The following CDH18 variants were observed in gnomAD, a reference collection of about 807,000 sequenced individuals.
The protein encoded by CDH18 is cadherin 18.
A neutral mutation model predicts 67.9 loss-of-function variants in CDH18; 31 were observed. The observed-to-expected ratio is 0.46, with a 90% confidence interval of 0.34 to 0.62. The LOEUF (loss-of-function observed/expected upper bound fraction) is 0.62, where lower values mean the gene tolerates loss of function less well. Ranked by LOEUF, CDH18 falls within the 20% of genes least tolerant of loss-of-function variation. The probability of loss-of-function intolerance (pLI) is 0.01; values close to 1 mark genes in which losing one functional copy is unlikely to be tolerated. For synonymous variants in CDH18, 362 were observed against 347.2 expected, an observed-to-expected ratio of 1.04 and a Z score of -0.48; for missense variants, 890 against 975.5, an observed-to-expected ratio of 0.91 and a Z score of 1.17.
intron 1 of CDH18, among the ~76,000 whole-genome samples, chr5:20,334,746 TCTCTCATACACACACACA>T (rs1415136157): frequency 9.8e-4 from 128 of 131,090 alleles, no homozygotes; most frequent in African/African-American, 4.0e-3. Flanking sequence ...TCTCTCTCTC[TCTCTCATACACACACACA>T]CACACACACA....
At chr5:20,423,570 T>G (rs1055127889) in intron 1 of CDH18, among the ~76,000 whole-genome samples, 1 of 150,894 alleles carries the variant, frequency 6.6e-6, no homozygotes, top group African/African-American at 2.5e-5. Flanking sequence ...AAAGGAAATA[T>G]AAGTGCTACA....
upstream of CDH18, among the ~76,000 whole-genome samples, chr5:19,990,452 G>C (rs1799918662): frequency 6.6e-6 from 1 of 152,154 alleles, no homozygotes; most frequent in Non-Finnish European, 1.5e-5. Context: ...GCATCCAGTG[G>C]ACAGTCATAA....
At chr5:19,497,863 G>C (rs980027448) in intron 11 of CDH18, among the ~76,000 whole-genome samples, 2 of 152,168 alleles carry the variant, frequency 1.3e-5, no homozygotes, top group Admixed American at 1.3e-4. Context: ...AAATGTAAAG[G>C]GTGTGAGCTG....
At chr5:20,168,492 A>C (rs1446759776) in intron 2 of CDH18, among the ~76,000 whole-genome samples, 3 of 152,114 alleles carry the variant, frequency 2.0e-5, no homozygotes, top group Non-Finnish European at 4.4e-5. Context: ...CTTTCAGATA[A>C]ATAATAATAT....
intron 12 of CDH18, among the ~76,000 whole-genome samples, chr5:19,474,891 G>C (rs932207241): frequency 6.6e-6 from 1 of 151,948 alleles, no homozygotes; most frequent in Non-Finnish European, 1.5e-5. Context: ...ATTTTCAACT[G>C]TTTCTATTTG....
At chr5:19,932,929 A>G (rs911252161) in intron 2 of CDH18, among the ~76,000 whole-genome samples, 1 of 151,574 alleles carries the variant, frequency 6.6e-6, no homozygotes, top group Non-Finnish European at 1.5e-5. Context: ...CCACATAGTA[A>G]TTTTTACTTG....
chr5:20,095,364 G>GAGAA (rs1203952325), intron 2 of CDH18, among the ~76,000 whole-genome samples: 463 of 88,998 alleles, frequency 5.2e-3, no homozygotes, highest in Middle Eastern at 0.018. Context: ...AGAAAGAAAA[G>GAGAA]ACAGAAGAAA....
In CDH18 at chr5:19,509,437, T is replaced by C. The variant is rs191098869; in HGVS notation, c.1513-6328A>G. 6.6e-5 allele frequency among the ~76,000 whole-genome samples: 10 copies of C among 152,248 alleles called. No homozygotes were observed. The East Asian group carries it at 1.9e-3, about 29-fold the overall frequency. On this transcript the variant is annotated intron_variant, in intron 10 of 12. Coordinates refer to ENST00000382275, the MANE Select transcript of CDH18 (RefSeq NM_004934.5). ...AAAATGCCCATGTAACCTCTCGATC[T>C]AAAATAATTTTTTCTAAAATACATA... is the stretch of plus-strand genomic sequence containing the variant.
At position 19,617,266 on chromosome 5, in the gene CDH18, A is replaced by G. The variant is rs74330388; in HGVS notation, c.644-4665T>C. Among the ~76,000 whole-genome samples, 1,048 of 152,320 alleles carry G rather than the reference A, an allele frequency of 6.9e-3. 4 individuals carry two copies. Among genetic ancestry groups the G allele is most frequent in the Middle Eastern group, 0.017 (5 of 294 alleles). On this transcript the variant is annotated intron_variant, in intron 5 of 12. Transcript: ENST00000382275. ...TACAAAATGATGTGCATTTTTCTCA[A>G]TTGTAAAAGGTAAGCCAATGGATAA... is the stretch of plus-strand genomic sequence containing the variant.
intron 2 of CDH18, among the ~76,000 whole-genome samples, chr5:20,008,583 C>A (rs1737132520): frequency 6.6e-6 from 1 of 152,076 alleles, no homozygotes; most frequent in African/African-American, 2.4e-5. Flanking sequence ...TAATAGCTAT[C>A]TGGTAAAGGC....
intron 9 of CDH18, among the ~76,000 whole-genome samples, chr5:19,523,702 A>G (rs1747295267): frequency 6.6e-6 from 1 of 152,156 alleles, no homozygotes; most frequent in Non-Finnish European, 1.5e-5. Flanking sequence ...AATATAGACA[A>G]AGAAAGGCCT....
At chr5:20,143,819 A>C (rs1362736416) in intron 2 of CDH18, among the ~76,000 whole-genome samples, 2 of 152,192 alleles carry the variant, frequency 1.3e-5, no homozygotes, top group Admixed American at 1.3e-4. Context: ...TGGCTTATTC[A>C]GATCGCATAC....
At chr5:19,558,927 T>C (rs1370006690) in intron 8 of CDH18, among the ~76,000 whole-genome samples, 6 of 152,030 alleles carry the variant, frequency 3.9e-5, no homozygotes, top group Admixed American at 2.6e-4. Flanking sequence ...AGGACAGTTG[T>C]ATATTTCCAG....
intron 2 of CDH18, among the ~76,000 whole-genome samples, chr5:20,051,841 A>G (rs1741447231): frequency 6.6e-6 from 1 of 152,058 alleles, no homozygotes; most frequent in Non-Finnish European, 1.5e-5. Context: ...AAATGTAAAC[A>G]CGATATATGT....
intron 3 of CDH18, among the ~76,000 whole-genome samples, chr5:19,818,466 A>AT (rs544256087): frequency 3.6e-4 from 54 of 151,896 alleles, no homozygotes; most frequent in African/African-American, 1.1e-3. Context: ...TTTTTACACG[A>AT]TTTTTTAAAA....
At chr5:20,214,606 C>T (rs1255279616) in intron 2 of CDH18, among the ~76,000 whole-genome samples, 1 of 151,954 alleles carries the variant, frequency 6.6e-6, no homozygotes, top group Non-Finnish European at 1.5e-5. Flanking sequence ...ACTCCCTAGT[C>T]AATAAATGGT....
chr5:19,621,990 A>G (rs1330354066), intron 5 of CDH18, among the ~76,000 whole-genome samples: 4 of 152,192 alleles, frequency 2.6e-5, no homozygotes, highest in Non-Finnish European at 2.9e-5. Flanking sequence ...TCATGAAATC[A>G]TTCACACATT....
chr5:19,567,245 T>C (rs1740571347), intron 8 of CDH18, among the ~76,000 whole-genome samples: 1 of 152,220 alleles, frequency 6.6e-6, no homozygotes, highest in Non-Finnish European at 1.5e-5. Context: ...ATTACACATC[T>C]TGTTTAGAGT....
At chr5:20,303,128 T>C (rs1022691490) in intron 1 of CDH18, among the ~76,000 whole-genome samples, 6 of 152,166 alleles carry the variant, frequency 3.9e-5, no homozygotes, top group Non-Finnish European at 8.8e-5. Flanking sequence ...GGCTCGTGTG[T>C]CAAAGCTCCC....
Sources: gnomAD v4.1 joint callset for allele counts (sites outside exome capture counted in the v4.1 genomes callset) on GRCh38, gnomAD v4.1.1 for gene constraint, MANE v1.5 for transcripts, NCBI Gene and HGNC (gene_info 2026-07-23, HGNC 2026-07-21) for gene names.